Variants in CUX1 observed in about 807,000 individuals in gnomAD.
The protein encoded by CUX1 is cut like homeobox 1, also known as protein CASP.
In CUX1, 31 loss-of-function variants were observed where a neutral mutation model predicts 158.8. That is an observed-to-expected ratio of 0.20 (90% confidence interval 0.15 to 0.26). The LOEUF (loss-of-function observed/expected upper bound fraction) is 0.26, where lower values mean the gene tolerates loss of function less well. Among genes scored for constraint, CUX1 ranks in the 10% least tolerant of loss-of-function variants. CUX1 has a pLI of 1.00. For missense variants in CUX1, 1,589 were observed against 2,014.6 expected (o/e 0.79, Z 4.04); for synonymous variants, 879 against 862.1 (o/e 1.02, Z -0.34).
chr7:102,133,795 C>T (rs1254481789), intron 8 of CUX1, among the ~76,000 whole-genome samples: 2 of 128,420 alleles, frequency 1.6e-5, no homozygotes, highest in East Asian at 2.0e-4. Context: ...ATCTTTATTT[C>T]CATCAGTGTC....
intron 1 of CUX1, among the ~76,000 whole-genome samples, chr7:101,844,751 G>T (rs1795512318): frequency 1.3e-5 from 2 of 152,092 alleles, no homozygotes; most frequent in Admixed American, 1.3e-4. Context: ...GAGTAGCTGG[G>T]ATTACAGGCG....
chr7:101,992,369 G>A (rs1815259459), intron 2 of CUX1, among the ~76,000 whole-genome samples: 1 of 152,110 alleles, frequency 6.6e-6, no homozygotes, highest in Non-Finnish European at 1.5e-5. Context: ...TACAAAAAAA[G>A]GTTGAAAGTG....
At chr7:101,979,798 C>T (rs1813189875) in intron 2 of CUX1, among the ~76,000 whole-genome samples, 1 of 152,134 alleles carries the variant, frequency 6.6e-6, no homozygotes, top group Admixed American at 6.5e-5. Flanking sequence ...TACAGGTGCC[C>T]ACCACCATGC....
intron 3 of CUX1, among the ~76,000 whole-genome samples, chr7:102,068,799 C>T (rs1043592572): frequency 6.6e-6 from 1 of 152,164 alleles, no homozygotes; most frequent in Non-Finnish European, 1.5e-5. Context: ...GGTACATGTG[C>T]AGTCTTGCGT....
chr7:102,253,653 A>T lies in CUX1; in HGVS notation c.*4611A>T, dbSNP rs184570395. The T allele has an allele frequency of 1.2e-4, 116 of 984,130 alleles. 1 individual carries two copies. In the Middle Eastern group the frequency reaches 4.2e-3, roughly 36 times the overall value. 61.0% of individuals were successfully genotyped at this position (984,130 alleles called of 1,614,324 possible). On this transcript the variant is annotated 3_prime_UTR_variant, in exon 24 of 24. Transcript: ENST00000292535. ...CTGGGAGTCACACAAAAGCAGAGAG[A>T]TTTTGAACTGAGGGGCGACAGCCTT...
At chr7:101,817,534 G>A (rs892916698), upstream of CUX1, 15 of 1,238,712 alleles carry the variant, frequency 1.2e-5, no homozygotes, top group Non-Finnish European at 1.5e-5. The surrounding 1 kb of genome is among the most constrained non-coding windows in gnomAD (Gnocchi z 4.1). Context: ...GCGAGTGCCT[G>A]CCTGCCACCC....
chr7:101,933,947 A>G (rs1442538190), intron 2 of CUX1, among the ~76,000 whole-genome samples: 7 of 152,226 alleles, frequency 4.6e-5, no homozygotes, highest in East Asian at 1.9e-4. Flanking sequence ...ATGTTTGGAT[A>G]TTTTAAAAGC....
At chr7:102,282,953 C>A in intron 22 of CUX1, 4 of 1,103,578 alleles carry the variant, frequency 3.6e-6, no homozygotes, top group Non-Finnish European at 5.5e-6. Flanking sequence ...CCCACCCCAT[C>A]ACATGGTACA....
chr7:102,214,383 G>A (rs1183782415), intron 20 of CUX1, among the ~76,000 whole-genome samples: 1 of 152,156 alleles, frequency 6.6e-6, no homozygotes, highest in Non-Finnish European at 1.5e-5. Context: ...ATTTAGCCGA[G>A]CATGGTGGTG....
At chr7:101,966,904 C>T (rs193155467) in intron 2 of CUX1, among the ~76,000 whole-genome samples, 24 of 152,280 alleles carry the variant, frequency 1.6e-4, no homozygotes, top group Non-Finnish European at 2.2e-4. Flanking sequence ...TGCAACAAGC[C>T]GGCCTAGCTC....
At chr7:102,126,011 GTTTTA>G (rs1256187150) in intron 8 of CUX1, among the ~76,000 whole-genome samples, 2 of 151,098 alleles carry the variant, frequency 1.3e-5, no homozygotes, top group Non-Finnish European at 3.0e-5. Context: ...CCTTTTTTAT[GTTTTA>G]TTTTATTTTA....
intron 1 of CUX1, among the ~76,000 whole-genome samples, chr7:101,883,515 G>A (rs73403620): frequency 0.012 from 1,885 of 152,174 alleles, 44 homozygotes; most frequent in African/African-American, 0.043. Context: ...TACAGGGGTC[G>A]GGGGCAGGAA....
intron 3 of CUX1, among the ~76,000 whole-genome samples, chr7:102,041,190 G>A (rs536551477): frequency 1.3e-5 from 2 of 150,512 alleles, no homozygotes; most frequent in East Asian, 1.9e-4. Context: ...CAGCTACTTG[G>A]GAGGTTGAAA....
chr7:101,915,150 C>T (rs774896466), intron 1 of CUX1, among the ~76,000 whole-genome samples: 24 of 152,154 alleles, frequency 1.6e-4, no homozygotes, highest in African/African-American at 5.3e-4. Context: ...GTTGCCAAAG[C>T]GACTCGGCAG....
chr7:101,910,158 A>G (rs1207389514), intron 1 of CUX1, among the ~76,000 whole-genome samples: 1 of 151,740 alleles, frequency 6.6e-6, no homozygotes, highest in African/African-American at 2.4e-5. Flanking sequence ...TGACAATTAT[A>G]CTTTTTGAGA....
intron 4 of CUX1, among the ~76,000 whole-genome samples, chr7:102,081,846 G>A (rs563270503): frequency 2.7e-5 from 4 of 146,374 alleles, no homozygotes; most frequent in Admixed American, 6.9e-5. Context: ...AGCTGATCTC[G>A]ATCTCCTGAC....
intron 8 of CUX1, among the ~76,000 whole-genome samples, chr7:102,116,385 A>G (rs1831439990): frequency 6.6e-6 from 1 of 152,112 alleles, no homozygotes; most frequent in Non-Finnish European, 1.5e-5. Flanking sequence ...TCACCACTAG[A>G]TCAGCTACTC....
intron 2 of CUX1, among the ~76,000 whole-genome samples, chr7:102,008,219 C>A (rs1294239619): frequency 1.3e-5 from 2 of 152,160 alleles, no homozygotes; most frequent in African/African-American, 4.8e-5. Context: ...CTGGGTTCTT[C>A]TAGGGGCTTC....
chr7:102,273,592 G>A, intron 15 of CUX1: 1 of 1,451,092 alleles, frequency 6.9e-7, no homozygotes, highest in Non-Finnish European at 9.3e-7. Flanking sequence ...GTATCAGGCA[G>A]CTGGTGACAA....
Sources: allele counts gnomAD v4.1 joint callset (sites outside exome capture counted in the v4.1 genomes callset), GRCh38; gene constraint gnomAD v4.1.1; non-coding constraint Gnocchi (gnomAD v3.1); transcripts MANE v1.5; gene names NCBI Gene and HGNC (gene_info 2026-07-23, HGNC 2026-07-21).